The following IDI1 variants were observed in gnomAD, a reference collection of about 807,000 sequenced individuals.
IDI1 encodes the protein isopentenyl-diphosphate delta isomerase 1, also known as isopentenyl-diphosphate Delta-isomerase 1.
A neutral mutation model predicts 32.9 loss-of-function variants in IDI1; 23 were observed. The observed-to-expected ratio is 0.70, with a 90% CI of 0.50 to 0.99. The LOEUF (loss-of-function observed/expected upper bound fraction) is 0.99, where lower values mean the gene tolerates loss of function less well. Ranked by LOEUF, IDI1 falls within the 50% of genes least tolerant of loss-of-function variation. The pLI, the probability that IDI1 is intolerant of heterozygous loss-of-function variation, is 0.00. For synonymous variants in IDI1, 133 were observed against 128.2 expected, an observed-to-expected ratio of 1.04 and a Z score of -0.25; for missense variants, 326 against 351.9, an observed-to-expected ratio of 0.93 and a Z score of 0.59.
intron 4 of IDI1, among the ~76,000 whole-genome samples, chr10:1,041,727 CGATCA>C (rs202153249): frequency 0.023 from 3,415 of 148,896 alleles, 75 homozygotes; most frequent in Middle Eastern, 0.042. Flanking sequence ...GTTTTTTTCC[CGATCA>C]GATAAGTTTT....
rs775299234 is a variant in IDI1, at chr10:1,048,925, C to G, written c.79G>C (p.Asp27His). 1.9e-6 allele frequency: 3 copies of G among 1,597,206 alleles called. No individual in the cohort carries two copies. Among genetic ancestry groups the G allele is most frequent in the African/African-American group, 2.7e-5 (2 of 73,380 alleles). Reference sequence around the variant, plus strand: ...GGATGGCGCCCGCTTTGAGCACAGTCTGCGGCGCGCACCGCCCACTGGCCC... The same window carrying G: ...GGATGGCGCCCGCTTTGAGCACAGTGTGCGGCGCGCACCGCCCACTGGCCC... ...GRGQWAVRAA[D>H]CAQSGRHPGP... Residue 27 changes from aspartate to histidine, a missense_variant, in exon 1 of 5, where the codon GAC becomes CAC. Physicochemically the swap from Asp to His is moderately conservative, Grantham distance 81 (BLOSUM62 -1). Transcript: ENST00000381344.
chr10:1,049,204 C>A, upstream of IDI1: 1 of 895,096 alleles, frequency 1.1e-6, no homozygotes, highest in Non-Finnish European at 1.6e-6. Context: ...CGCGACTGGG[C>A]GGTGCCCGAG....
chr10:1,049,591 C>T (rs1195153727), upstream of IDI1: 1 of 153,276 alleles, frequency 6.5e-6, no homozygotes, highest in Non-Finnish European at 1.5e-5. Context: ...GGAGCAAAGT[C>T]GCCGGGGGTG....
At chr10:1,052,273 G>T (rs943194740), upstream of IDI1, among the ~76,000 whole-genome samples, 2 of 152,194 alleles carry the variant, frequency 1.3e-5, no homozygotes, top group Non-Finnish European at 2.9e-5. Context: ...TTTCAACAGT[G>T]TTCACATCTT....
chr10:1,043,824 T>A (rs1832703716), intron 2 of IDI1, 175 bp downstream of exon 2: 3 of 669,032 alleles, frequency 4.5e-6, no homozygotes, highest in Non-Finnish European at 8.1e-6. Context: ...GAGAAATCGC[T>A]GTAACAGGAA....
At chr10:1,053,473 G>C (rs1833065087), upstream of IDI1, among the ~76,000 whole-genome samples, 1 of 152,184 alleles carries the variant, frequency 6.6e-6, no homozygotes, top group African/African-American at 2.4e-5. Context: ...ATTGTGGCTG[G>C]TTTAATCTAT....
upstream of IDI1, among the ~76,000 whole-genome samples, chr10:1,050,351 G>A (rs999060747): frequency 1.1e-4 from 16 of 152,086 alleles, 1 homozygote; most frequent in Admixed American, 8.5e-4. Flanking sequence ...TCCCGCATGC[G>A]CAGCAAGTCC....
chr10:1,041,043 C>A lies in IDI1; in HGVS notation c.*144G>T. The A allele has an allele frequency of 1.8e-6, 1 of 547,392 alleles. No homozygotes were observed. 33.9% of individuals were successfully genotyped at this position (547,392 alleles called of 1,614,324 possible). On this transcript the variant is annotated 3_prime_UTR_variant, in exon 5 of 5. Transcript: ENST00000381344. The stretch of plus-strand genomic sequence containing the variant: ...TTTTTCCACACAAGTTTTAAAGTAT[C>A]AGTGTATATAATACATTAATGATAG...
chr10:1,051,203 T>C (rs1833003540), upstream of IDI1, among the ~76,000 whole-genome samples: 1 of 152,230 alleles, frequency 6.6e-6, no homozygotes, highest in Non-Finnish European at 1.5e-5. Context: ...CATTATTCAA[T>C]ATCAATCACA....
Position 1,048,901 on chromosome 10 carries a change from G to T in IDI1, c.103C>A (p.Pro35Thr). Residue 35 changes from proline to threonine, a missense_variant, in exon 1 of 5, where the codon CCG (proline) becomes ACG (threonine). Transcript: ENST00000381344. ...AADCAQSGRH[P>T]GPAVVCGRRL... Reference sequence around the variant, plus strand: ...CGGCCACAGACAACCGCCGGTCCCGGATGGCGCCCGCTTTGAGCACAGTCT... The same window carrying T: ...CGGCCACAGACAACCGCCGGTCCCGTATGGCGCCCGCTTTGAGCACAGTCT... 1 of 1,606,668 alleles carries T rather than the reference G, an allele frequency of 6.2e-7. No homozygotes were observed.
the IDI1 span, among the ~76,000 whole-genome samples, chr10:1,055,898 T>G: frequency 3.9e-5 from 6 of 152,010 alleles, no homozygotes; most frequent in Non-Finnish European, 7.4e-5. Flanking sequence ...AACCTCCGCC[T>G]CCCGGGTTCA....
At chr10:1,056,687 G>C in the IDI1 span, 1 of 152,318 alleles carries the variant, frequency 6.6e-6, no homozygotes, top group Non-Finnish European at 1.5e-5. Context: ...GACCCCTCGG[G>C]GCTGCGGGGC....
At chr10:1,053,297 T>C (rs1397078257), upstream of IDI1, among the ~76,000 whole-genome samples, 1 of 152,242 alleles carries the variant, frequency 6.6e-6, no homozygotes, top group East Asian at 1.9e-4. Flanking sequence ...CCACCATGCC[T>C]GGCCTATCTT....
At chr10:1,051,089 C>T (rs747521700), upstream of IDI1, among the ~76,000 whole-genome samples, 12 of 152,152 alleles carry the variant, frequency 7.9e-5, no homozygotes, top group Non-Finnish European at 1.3e-4. Context: ...GACTGTACCT[C>T]GAATGCCTAT....
rs1832902497 is a variant in IDI1, at chr10:1,049,047, C to T, written c.-44G>A. ...CCGTACGCGCTTGACGACACAATCT[C>T]GCCAAGCTTCGCCTGGTGGTGCCAC... On this transcript the variant is annotated 5_prime_UTR_variant, in exon 1 of 5. Coordinates refer to ENST00000381344, the MANE Select transcript of IDI1 (RefSeq NM_004508.4). 6.9e-7 allele frequency: 1 copy of T among 1,448,648 alleles called. No individual in the cohort carries two copies. The highest frequency in any genetic ancestry group is 9.0e-7 in the Non-Finnish European group (1 of 1,109,232). The allele number at this position is 1,448,648 out of a possible 1,614,324, so 89.7% of individuals were successfully genotyped here.
chr10:1,048,666 G>A, intron 1 of IDI1, 198 bp downstream of exon 1: 1 of 1,409,912 alleles, frequency 7.1e-7, no homozygotes, highest in Non-Finnish European at 9.2e-7. Context: ...TCCACGGGGC[G>A]CGGGCGCCCA....
At chr10:1,043,097 T>C (rs1034999828) in intron 3 of IDI1, among the ~76,000 whole-genome samples, 3 of 152,240 alleles carry the variant, frequency 2.0e-5, no homozygotes, top group Non-Finnish European at 4.4e-5. Context: ...ATGTAAATTA[T>C]ACATATTGCC....
At chr10:1,052,455 ACTT>A (rs1357586851), upstream of IDI1, among the ~76,000 whole-genome samples, 2 of 152,228 alleles carry the variant, frequency 1.3e-5, no homozygotes, top group African/African-American at 4.8e-5. Context: ...AGTCAAAATG[ACTT>A]CTTGAGCTAT....
intron 1 of IDI1, 129 bp downstream of exon 1, chr10:1,048,735 A>T: frequency 6.9e-7 from 1 of 1,448,338 alleles, no homozygotes; most frequent in Non-Finnish European, 9.0e-7. Context: ...CGCCACCCCC[A>T]GCTGTCCAGG....
Sources: allele counts gnomAD v4.1 joint callset (sites outside exome capture counted in the v4.1 genomes callset), GRCh38; gene constraint gnomAD v4.1.1; transcripts MANE v1.5; gene names NCBI Gene and HGNC (gene_info 2026-07-23, HGNC 2026-07-21).